Variants in MYO5C observed in about 807,000 individuals in gnomAD.
MYO5C encodes unconventional myosin-Vc.
MYO5C carries 194 observed loss-of-function variants against 235.7 expected under a neutral mutation model. The observed-to-expected ratio is 0.82, with a 90% CI of 0.73 to 0.93. The LOEUF is 0.93. Ranked by LOEUF, MYO5C falls within the 40% of genes least tolerant of loss-of-function variation. The pLI, the probability that MYO5C is intolerant of heterozygous loss-of-function variation, is 0.00. For missense variants in MYO5C, 2,038 were observed against 2,127.2 expected, an observed-to-expected ratio of 0.96 and a Z score of 0.82; for synonymous variants, 707 against 754.8, an observed-to-expected ratio of 0.94 and a Z score of 1.04.
At chr15:52,222,372 C>T (rs999929861) in intron 29 of MYO5C, among the ~76,000 whole-genome samples, 20 of 152,108 alleles carry the variant, frequency 1.3e-4, no homozygotes, top group African/African-American at 2.7e-4. Context: ...GCTACAGCCC[C>T]GAGATTTCCT....
At chr15:52,253,552 A>T in intron 11 of MYO5C, 95 bp from the exon 12 acceptor site, 1 of 1,139,062 alleles carries the variant, frequency 8.8e-7, no homozygotes, top group Non-Finnish European at 1.3e-6. Context: ...TAAATGGTTG[A>T]TCTGTAATAT....
rs140674266 is a variant in MYO5C at position 52,285,419 on chromosome 15, T to TCCTCTCCCTCTC, written c.28-2539_28-2528dup. 3.3e-5 allele frequency among the ~76,000 whole-genome samples: 4 copies of TCCTCTCCCTCTC among 120,776 alleles called. No individual in the cohort carries two copies. The East Asian group carries it at 9.4e-4, about 28-fold the overall frequency. 79.2% of individuals were successfully genotyped at this position (120,776 alleles called of 152,430 possible). On this transcript the variant is annotated intron_variant, in intron 1 of 40. Transcript: ENST00000261839. The stretch of plus-strand genomic sequence containing the variant: ...TCGCTCTCCCTCTCCCTCCTCTCCC[T>TCCTCTCCCTCTC]CCTCTCCCTCTCCCTCTCCCTCTCC...
chr15:52,198,207 C>T (rs1053893709), intron 38 of MYO5C, among the ~76,000 whole-genome samples: 3 of 152,020 alleles, frequency 2.0e-5, no homozygotes, highest in Non-Finnish European at 4.4e-5. Flanking sequence ...TGGTGGCGGA[C>T]GCCTATAATC....
chr15:52,271,926 A>C, intron 6 of MYO5C, 82 bp from the exon 7 acceptor site: 1 of 771,730 alleles, frequency 1.3e-6, no homozygotes, highest in Non-Finnish European at 2.1e-6. Context: ...AGGGTCCTAG[A>C]TATCTAATCC....
intron 8 of MYO5C, 28 bp downstream of exon 8, chr15:52,269,725 C>A: frequency 2.1e-6 from 3 of 1,409,568 alleles, no homozygotes; most frequent in Non-Finnish European, 3.0e-6. Flanking sequence ...AAAATGGCTA[C>A]ATACTTGGAT....
chr15:52,294,941 A>G (rs746639896), intron 1 of MYO5C, among the ~76,000 whole-genome samples: 1 of 152,234 alleles, frequency 6.6e-6, no homozygotes, highest in African/African-American at 2.4e-5. Context: ...CAAAGAGCCT[A>G]CGACTGCACC....
chr15:52,205,869 C>T lies in MYO5C; in HGVS notation c.4484G>A (p.Arg1495Gln), dbSNP rs539722733. 7.5e-6 allele frequency: 12 copies of T among 1,592,062 alleles called. No individual in the cohort carries two copies. The highest frequency in any genetic ancestry group is 4.0e-5 in the African/African-American group (3 of 74,622). The part of the protein sequence containing the change: ...YRQILSDVAI[R>Q]IYHQFIIIME... ...TATGATAATAAATTGATGATATATT[C>T]GTATAGCCACATCACTGAGAATCTG... is the stretch of plus-strand genomic sequence containing the variant. Residue 1495 changes from arginine (R) to glutamine (Q), a missense_variant, in exon 37 of 41, where the codon CGA becomes CAA. Arg to Gln is a conservative substitution (Grantham distance 43). Coordinates refer to ENST00000261839, the MANE Select transcript of MYO5C (RefSeq NM_018728.4).
intron 1 of MYO5C, among the ~76,000 whole-genome samples, chr15:52,283,179 C>A (rs1010753292): frequency 2.0e-5 from 3 of 152,142 alleles, no homozygotes; most frequent in Admixed American, 2.0e-4. Flanking sequence ...GGAAACATCT[C>A]ACGGCTGTCT....
chr15:52,284,516 T>C (rs1218695383), intron 1 of MYO5C, among the ~76,000 whole-genome samples: 1 of 152,174 alleles, frequency 6.6e-6, no homozygotes, highest in Non-Finnish European at 1.5e-5. Context: ...TGTATCTTGA[T>C]GGGGCTCGGG....
rs114324283 is a variant in MYO5C, at chr15:52,275,901, T to C, written c.450-183A>G. Among the ~76,000 whole-genome samples the C allele has an allele frequency of 9.5e-3, 1,449 of 152,292 alleles. 21 individuals carry two copies. Among genetic ancestry groups the C allele is most frequent in the African/African-American group, 0.033 (1,386 of 41,554 alleles). ...TGTGATCGTGCAGAACACACAATTT[T>C]AAAAGTTCACATCTTTCATCCAACC... On this transcript the variant is annotated intron_variant, in intron 4 of 40. Coordinates refer to ENST00000261839, the MANE Select transcript of MYO5C (RefSeq NM_018728.4).
intron 5 of MYO5C, among the ~76,000 whole-genome samples, chr15:52,273,271 T>C (rs1332099215): frequency 6.6e-6 from 1 of 152,174 alleles, no homozygotes; most frequent in African/African-American, 2.4e-5. Flanking sequence ...TGCAGTGAGC[T>C]ATGATTGCAC....
chr15:52,253,169 G>T (rs1333668855), intron 12 of MYO5C, 148 bp downstream of exon 12: 2 of 833,710 alleles, frequency 2.4e-6, no homozygotes, highest in African/African-American at 3.4e-5. Flanking sequence ...TGGGGTCCCT[G>T]CTGTGGATGC....
Position 52,276,818 on chromosome 15 carries a change from A to G in MYO5C, c.450-1100T>C, listed in dbSNP as rs1425012566. Among the ~76,000 whole-genome samples the G allele has an allele frequency of 3.3e-5, 5 of 152,318 alleles. No individual in the cohort carries two copies. In the East Asian group the frequency reaches 9.7e-4, roughly 29 times the overall value. ...TTTAGAGATTTTTTAAAAATGCATT[A>G]AACTTTTCATGTCATAAGACTGTGA... is the stretch of plus-strand genomic sequence containing the variant. On this transcript the variant is annotated intron_variant, in intron 4 of 40. Transcript: ENST00000261839.
chr15:52,280,130 C>T (rs1028949962), intron 2 of MYO5C, among the ~76,000 whole-genome samples: 4 of 152,212 alleles, frequency 2.6e-5, no homozygotes, highest in East Asian at 1.9e-4. Flanking sequence ...CAGTGACCTA[C>T]GGTCTCTTTA....
chr15:52,291,961 G>A (rs1293347183), intron 1 of MYO5C, among the ~76,000 whole-genome samples: 2 of 151,602 alleles, frequency 1.3e-5, no homozygotes, highest in Non-Finnish European at 2.9e-5. Flanking sequence ...GGATGGTCTC[G>A]ACCTCCTGAC....
rs574373622 is a variant in MYO5C, at chr15:52,275,696, T to C, written c.472A>G (p.Ile158Val). 43 of 1,614,190 alleles carry C rather than the reference T, an allele frequency of 2.7e-5. No homozygotes were observed. In the South Asian group the frequency reaches 4.4e-4, roughly 16 times the overall value. ...MARNNRNQSI[I>V]VSGESGAGKT... ...CCAGCACCTGACTCCCCACTTACAA[T>C]TATGGACTGGTTTCTGTTGTTTCTA... Residue 158 changes from isoleucine (I) to valine (V), a missense_variant, in exon 5 of 41, where the codon ATT becomes GTT. Transcript: ENST00000261839.
At chr15:52,201,781 G>A (rs1048199099) in intron 38 of MYO5C, among the ~76,000 whole-genome samples, 1 of 152,044 alleles carries the variant, frequency 6.6e-6, no homozygotes, top group Non-Finnish European at 1.5e-5. Context: ...GGAGGCTAAA[G>A]GGGCCTACAT....
rs775603987 is a variant in MYO5C, at chr15:52,264,208, G to A, written c.1029C>T (p.Asn343=). 6.8e-6 allele frequency: 11 copies of A among 1,613,148 alleles called. No individual in the cohort carries two copies. The highest frequency in any genetic ancestry group is 1.7e-5 in the Admixed American group (1 of 59,964). The part of the protein sequence containing the change: ...LGNVQITAVG[N]ERSSVSEDDS... Reference sequence around the variant, plus strand: ...ATCTCACACTAACTGAGGACCTCTCGTTGCCCACCGCGGTGATCTGCACAT... The same window carrying A: ...ATCTCACACTAACTGAGGACCTCTCATTGCCCACCGCGGTGATCTGCACAT... Residue 343 remains asparagine (N), a synonymous_variant, in exon 9 of 41, where the codon AAC becomes AAT. Coordinates refer to ENST00000261839, the MANE Select transcript of MYO5C (RefSeq NM_018728.4).
Position 52,236,682 on chromosome 15 carries a change from C to CA in MYO5C, c.2868+799dup, listed in dbSNP as rs558083438. The CA allele has an allele frequency of 6.8e-3, 988 of 145,842 alleles. 10 individuals are homozygous for CA. The highest frequency in any genetic ancestry group is 0.022 in the African/African-American group (889 of 39,906). The allele number at this position is 145,842 out of a possible 1,614,324, so 9.0% of individuals were successfully genotyped here. A position where few individuals can be genotyped will look rare whatever the true frequency, so the allele number is the denominator to read the frequency against. On this transcript the variant is annotated intron_variant, in intron 22 of 40. Transcript: ENST00000261839. ...CAGAGCAAGACTCCGTCTAAAAAAA[C>CA]AAAAAAAAAACAAAATGCAGCAGAG...
Sources: allele counts gnomAD v4.1 joint callset (sites outside exome capture counted in the v4.1 genomes callset), GRCh38; gene constraint gnomAD v4.1.1; transcripts MANE v1.5; gene names NCBI Gene and HGNC (gene_info 2026-07-23, HGNC 2026-07-21).